GGNBP2: variants seen among roughly 807,000 people sequenced by gnomAD.
GGNBP2 encodes the protein gametogenetin binding protein 2.
In GGNBP2, 10 loss-of-function variants were observed where a neutral mutation model predicts 85.9. That is an observed-to-expected ratio of 0.12 (90% confidence interval 0.07 to 0.20). The LOEUF is 0.20. Ranked by LOEUF, GGNBP2 falls within the 10% of genes least tolerant of loss-of-function variation. The pLI is 1.00. For synonymous variants in GGNBP2, 287 were observed against 285.7 expected (o/e 1.00, Z -0.05); for missense variants, 595 against 857.8 (o/e 0.69, Z 3.83).
At chr17:36,547,102 T>G (rs1462463472) in intron 2 of GGNBP2, 2 of 152,236 alleles carry the variant, frequency 1.3e-5, no homozygotes, top group African/African-American at 4.8e-5. Context: ...TAAATAGTGT[T>G]GATGCATTAG....
At chr17:36,574,812 G>C (rs547541059) in intron 6 of GGNBP2, 1 of 671,114 alleles carries the variant, frequency 1.5e-6, no homozygotes, top group African/African-American at 1.8e-5. Context: ...ATGGTGTGGG[G>C]CTTGCTGATC....
At position 36,554,916 on chromosome 17, in the gene GGNBP2, A is replaced by G. The variant is rs767921598; in HGVS notation, c.174+16A>G. 5 of 1,490,280 alleles carry G rather than the reference A, an allele frequency of 3.4e-6. No individual in the cohort carries two copies. The South Asian group carries it at 4.5e-5, about 13-fold the overall frequency. 92.3% of individuals were successfully genotyped at this position (1,490,280 alleles called of 1,614,324 possible). A position where few individuals can be genotyped will look rare whatever the true frequency, so the allele number is the denominator to read the frequency against. On this transcript the variant is annotated intron_variant, in intron 3 of 13. Coordinates refer to ENST00000613102, the MANE Select transcript of GGNBP2 (RefSeq NM_024835.5). ...GTTCATTCAGGTAATAGTTTTTTCAATCAGTGTTTTTAATGGTGTATGTGT... is the reference window on the plus strand; with the variant it reads ...GTTCATTCAGGTAATAGTTTTTTCAGTCAGTGTTTTTAATGGTGTATGTGT...
intron 6 of GGNBP2, chr17:36,575,300 C>T (rs1001231849): frequency 6.9e-5 from 34 of 490,698 alleles, no homozygotes; most frequent in Non-Finnish European, 1.0e-4. Context: ...TCCCCACCAC[C>T]GGCTGCCACC....
At chr17:36,546,731 G>C (rs1342113043) in intron 2 of GGNBP2, 1 of 152,218 alleles carries the variant, frequency 6.6e-6, no homozygotes, top group Non-Finnish European at 1.5e-5. Flanking sequence ...TGATGCTGAA[G>C]CTTTGGATTA....
At chr17:36,588,870 C>T (rs1317996121) in intron 13 of GGNBP2, among the ~76,000 whole-genome samples, 1 of 152,168 alleles carries the variant, frequency 6.6e-6, no homozygotes, top group Non-Finnish European at 1.5e-5. Flanking sequence ...ATAGGACTAA[C>T]TGGAGATACG....
At chr17:36,558,762 T>C (rs78519039) in intron 4 of GGNBP2, among the ~76,000 whole-genome samples, 42 of 62,008 alleles carry the variant, frequency 6.8e-4, no homozygotes, top group Non-Finnish European at 1.7e-3. Context: ...GGCTGAGGTC[T>C]TTTTTTTTTT....
chr17:36,545,903 C>G (rs764822782), intron 2 of GGNBP2, 86 bp downstream of exon 2: 2 of 953,984 alleles, frequency 2.1e-6, no homozygotes, highest in South Asian at 1.5e-5. Flanking sequence ...GCGCTGCGCA[C>G]TGGAGAAAGA....
intron 5 of GGNBP2, among the ~76,000 whole-genome samples, chr17:36,564,156 T>C (rs1195833884): frequency 1.3e-5 from 2 of 152,234 alleles, no homozygotes; most frequent in South Asian, 4.1e-4. Flanking sequence ...AAATGCAGAG[T>C]ACAGGCTAAT....
chr17:36,567,814 G>GACTGACACATAAGGCACCTT, intron 6 of GGNBP2, 38 bp downstream of exon 6: 2 of 1,096,780 alleles, frequency 1.8e-6, no homozygotes, highest in Non-Finnish European at 1.4e-6. Flanking sequence ...TGTGGAAGGT[G>GACTGACACATAAGGCACCTT]CCTTATGTGT....
chr17:36,554,800 C>A lies in GGNBP2; in HGVS notation c.94-20C>A. The A allele has an allele frequency of 6.8e-7, 1 of 1,478,838 alleles. No individual in the cohort carries two copies. The highest frequency in any genetic ancestry group is 9.5e-7 in the Non-Finnish European group (1 of 1,056,718). 91.6% of individuals were successfully genotyped at this position (1,478,838 alleles called of 1,614,324 possible). A position where few individuals can be genotyped will look rare whatever the true frequency, so the allele number is the denominator to read the frequency against. ...TCAGAGGGGTAAAGTAATTGATTTC[C>A]GTTCTGTTTGCATTTTAAGATGGTG... On this transcript the variant is annotated intron_variant, in intron 2 of 13. Coordinates refer to ENST00000613102, the MANE Select transcript of GGNBP2 (RefSeq NM_024835.5).
intron 6 of GGNBP2, chr17:36,574,407 CT>C (rs76600911): frequency 0.013 from 2,028 of 152,296 alleles, no homozygotes; most frequent in Middle Eastern, 0.027. Flanking sequence ...CGACTGTAGT[CT>C]TTTTTTTTTT....
intron 6 of GGNBP2, chr17:36,576,593 A>ATGTGTGTG (rs1401978308): frequency 8.7e-5 from 4 of 46,026 alleles, no homozygotes; most frequent in African/African-American, 2.8e-4. Context: ...AAATATATAT[A>ATGTGTGTG]TATGTGTGTG....
chr17:36,548,615 C>CT (rs2074277227), intron 2 of GGNBP2, among the ~76,000 whole-genome samples: 1 of 23,724 alleles, frequency 4.2e-5, no homozygotes, highest in African/African-American at 1.3e-4. Context: ...GACTCTGTCT[C>CT]AAAAAAAAAA....
Position 36,587,175 on chromosome 17 carries a change from T to C in GGNBP2, c.1820T>C (p.Phe607Ser). 1 of 1,614,118 alleles carries C rather than the reference T, an allele frequency of 6.2e-7. No homozygotes were observed. The highest frequency in any genetic ancestry group is 8.5e-7 in the Non-Finnish European group (1 of 1,180,028). Residue 607 changes from phenylalanine to serine, a missense_variant, in exon 13 of 14, where the codon TTT (phenylalanine) becomes TCT (serine). By Grantham distance (155) the Phe-to-Ser change is radical (BLOSUM62 -2). Around this residue, in one of 9 missense-constraint regions of GGNBP2, gnomAD observed 120 missense variants for 126.3 expected, o/e 0.95. Transcript: ENST00000613102. The stretch of plus-strand genomic sequence containing the variant: ...GAGCATAGGAAAAATGTACCACAGT[T>C]TGCAGAACCTACAGAAACGTTGTTT... ...WFEHRKNVPQ[F>S]AEPTETLFGP...
At chr17:36,578,228 T>A in intron 7 of GGNBP2, 42 bp downstream of exon 7, 1 of 1,444,012 alleles carries the variant, frequency 6.9e-7, no homozygotes, top group Non-Finnish European at 9.5e-7. Flanking sequence ...TCTAGCGCTT[T>A]GCTTCATTTT....
Position 36,581,558 on chromosome 17 carries a change from A to G in GGNBP2, c.1215+20A>G, listed in dbSNP as rs1332669988. On this transcript the variant is annotated intron_variant, in intron 9 of 13. Transcript: ENST00000613102. ...GAGAAGGTAATATTTCTTAATATCA[A>G]CTCTTAAGTGTGTATGTATTGCTTG... is the stretch of plus-strand genomic sequence containing the variant. 5.1e-6 allele frequency: 8 copies of G among 1,558,746 alleles called. No individual in the cohort carries two copies. Among genetic ancestry groups the G allele is most frequent in the East Asian group, 4.5e-5 (2 of 44,424 alleles).
At chr17:36,548,821 G>A (rs1271675400) in intron 2 of GGNBP2, among the ~76,000 whole-genome samples, 1 of 151,172 alleles carries the variant, frequency 6.6e-6, no homozygotes, top group African/African-American at 2.4e-5. Context: ...GAGTGTGCCT[G>A]TAGACCCAGC....
At chr17:36,545,584 C>G in intron 1 of GGNBP2, 35 bp from the exon 2 acceptor site, 1 of 642,472 alleles carries the variant, frequency 1.6e-6, no homozygotes, top group Non-Finnish European at 2.7e-6. Context: ...TGCGCAGCGG[C>G]GGGTGCTTAC....
At chr17:36,581,579 G>A in intron 9 of GGNBP2, 41 bp downstream of exon 9, 1 of 1,450,650 alleles carries the variant, frequency 6.9e-7, no homozygotes, top group East Asian at 2.3e-5. Context: ...TGTATGTATT[G>A]CTTGTAGATA....
Sources: gnomAD v4.1 joint callset for allele counts (sites outside exome capture counted in the v4.1 genomes callset) on GRCh38, gnomAD v4.1.1 for gene constraint, gnomAD v4.1.1 regional missense constraint, MANE v1.5 for transcripts, NCBI Gene and HGNC (gene_info 2026-07-23, HGNC 2026-07-21) for gene names.